FER: variants seen among roughly 807,000 people sequenced by gnomAD.
FER encodes FER tyrosine kinase.
A neutral mutation model predicts 111.0 loss-of-function variants in FER; 63 were observed. That is an observed-to-expected ratio of 0.57 (90% CI 0.46 to 0.70). The LOEUF (loss-of-function observed/expected upper bound fraction) is 0.70, where lower values mean the gene tolerates loss of function less well. Among genes scored for constraint, FER ranks in the 30% least tolerant of loss-of-function variants. The pLI is 0.00. For missense variants in FER, 914 were observed against 954.0 expected (o/e 0.96, Z 0.55); for synonymous variants, 327 against 313.9 (o/e 1.04, Z -0.44).
chr5:108,913,429 C>T (rs1751834314), intron 10 of FER, among the ~76,000 whole-genome samples: 1 of 152,098 alleles, frequency 6.6e-6, no homozygotes, highest in Non-Finnish European at 1.5e-5. Flanking sequence ...ACTCATAATT[C>T]TGACAGAAAG....
At chr5:109,186,113 A>G in intron 18 of FER, 87 bp from the exon 19 acceptor site, 1 of 1,567,914 alleles carries the variant, frequency 6.4e-7, no homozygotes, top group South Asian at 1.1e-5. Flanking sequence ...TATGTGGTGC[A>G]TGACTGACAC....
chr5:109,007,585 T>C (rs1765665395), intron 13 of FER, among the ~76,000 whole-genome samples: 1 of 152,222 alleles, frequency 6.6e-6, no homozygotes, highest in Admixed American at 6.5e-5. Context: ...GATTCATCTG[T>C]ATTGTTGCAC....
chr5:109,055,163 T>A (rs774995835), intron 16 of FER, among the ~76,000 whole-genome samples: 3 of 152,050 alleles, frequency 2.0e-5, no homozygotes, highest in Non-Finnish European at 4.4e-5. Flanking sequence ...AAAAATCATC[T>A]CAAATTGGAT....
chr5:108,786,470 A>G (rs769191940), intron 2 of FER, among the ~76,000 whole-genome samples: 19 of 152,098 alleles, frequency 1.2e-4, no homozygotes, highest in Middle Eastern at 3.4e-3. Context: ...GTACTCCTTT[A>G]TTTGTTGGTG....
intron 9 of FER, among the ~76,000 whole-genome samples, chr5:108,892,032 A>G (rs1407136826): frequency 4.6e-5 from 7 of 152,102 alleles, no homozygotes; most frequent in African/African-American, 1.4e-4. Flanking sequence ...TTCATGGTGT[A>G]TATGTGCCAC....
At chr5:108,931,007 TA>T (rs1249896706) in intron 10 of FER, among the ~76,000 whole-genome samples, 1 of 152,050 alleles carries the variant, frequency 6.6e-6, no homozygotes, top group Non-Finnish European at 1.5e-5. Flanking sequence ...TAGATTTGAT[TA>T]TAAGAATTCT....
At position 108,954,861 on chromosome 5, in the gene FER, A is replaced by G; in HGVS notation, c.1462A>G (p.Lys488Glu). ...CTTTTTGGTGCGAGAGAGTCATGGG[A>G]AACCTGGTGAATATGTCCTTTCTGT... ...GDFLVRESHG[K>E]PGEYVLSVYS... Residue 488 changes from lysine (K) to glutamate (E), a missense_variant, in exon 12 of 20, where the codon AAA becomes GAA. By Grantham distance (56) the Lys-to-Glu change is moderately conservative (BLOSUM62 1). Coordinates refer to ENST00000281092, the MANE Select transcript of FER (RefSeq NM_005246.4). 6.2e-7 allele frequency: 1 copy of G among 1,611,936 alleles called. No individual in the cohort carries two copies. The highest frequency in any genetic ancestry group is 8.5e-7 in the Non-Finnish European group (1 of 1,179,138).
chr5:109,017,608 T>C (rs1033962844), intron 13 of FER, among the ~76,000 whole-genome samples: 9 of 152,110 alleles, frequency 5.9e-5, no homozygotes, highest in African/African-American at 1.7e-4. Context: ...TTAGTTCTTT[T>C]AGCTTGGGTC....
chr5:108,790,593 T>C (rs1386694439), intron 2 of FER, among the ~76,000 whole-genome samples: 1 of 152,244 alleles, frequency 6.6e-6, no homozygotes, highest in Non-Finnish European at 1.5e-5. Context: ...TTGGGGAAGC[T>C]TATGCTAACT....
At chr5:108,985,392 A>T (rs961126363) in intron 13 of FER, among the ~76,000 whole-genome samples, 5 of 152,042 alleles carry the variant, frequency 3.3e-5, no homozygotes, top group African/African-American at 1.2e-4. Flanking sequence ...TTAACCTGAT[A>T]GTCACTATTT....
chr5:109,092,304 A>AATAAAT (rs1746899197), intron 16 of FER, among the ~76,000 whole-genome samples: 9 of 148,256 alleles, frequency 6.1e-5, no homozygotes, highest in Admixed American at 6.0e-4. Context: ...AAAAAAAAAA[A>AATAAAT]AAAAAAACAT....
At chr5:108,784,918 G>A in intron 2 of FER, 1 of 170,588 alleles carries the variant, frequency 5.9e-6, no homozygotes. Flanking sequence ...GGGAGTCATG[G>A]CCATCATGAA....
chr5:108,759,549 A>G (rs1250096454), intron 1 of FER, among the ~76,000 whole-genome samples: 1 of 152,266 alleles, frequency 6.6e-6, no homozygotes, highest in Non-Finnish European at 1.5e-5. Flanking sequence ...AGAATACCAC[A>G]GACTGAGTAA....
At chr5:108,791,046 G>C (rs866149994) in intron 2 of FER, among the ~76,000 whole-genome samples, 7 of 152,274 alleles carry the variant, frequency 4.6e-5, no homozygotes, top group Middle Eastern at 6.8e-3. Context: ...CTGTTCACCT[G>C]TTGATGGATA....
chr5:108,835,183 C>CGCG (rs1392251031), intron 4 of FER, among the ~76,000 whole-genome samples: 1 of 96,972 alleles, frequency 1.0e-5, no homozygotes, highest in Non-Finnish European at 2.1e-5. Context: ...TCGTTTGCGC[C>CGCG]ACCCCCCCCC....
chr5:109,186,016 A>AC (rs1287661827), intron 18 of FER, among the ~76,000 whole-genome samples, 184 bp from the exon 19 acceptor site: 1 of 152,234 alleles, frequency 6.6e-6, no homozygotes, highest in African/African-American at 2.4e-5. Flanking sequence ...TACCATGGCT[A>AC]CCACATCACT....
At chr5:108,888,658 T>C (rs1271610805) in intron 9 of FER, among the ~76,000 whole-genome samples, 1 of 151,932 alleles carries the variant, frequency 6.6e-6, no homozygotes, top group African/African-American at 2.4e-5. Flanking sequence ...AAGTATGTAT[T>C]GCTTGTTTGC....
intron 3 of FER, among the ~76,000 whole-genome samples, chr5:108,812,542 G>T (rs959096417): frequency 3.9e-5 from 6 of 152,036 alleles, no homozygotes; most frequent in Non-Finnish European, 5.9e-5. Context: ...TGTGTGTTTA[G>T]ACTATTTCAT....
chr5:108,832,733 A>T, intron 3 of FER, 37 bp from the exon 4 acceptor site: 2 of 1,410,034 alleles, frequency 1.4e-6, no homozygotes, highest in Non-Finnish European at 1.9e-6. Flanking sequence ...GGAAACCTTT[A>T]ATGCAAATGT....
Sources: allele counts gnomAD v4.1 joint callset (sites outside exome capture counted in the v4.1 genomes callset), GRCh38; gene constraint gnomAD v4.1.1; transcripts MANE v1.5; gene names NCBI Gene and HGNC (gene_info 2026-07-23, HGNC 2026-07-21).